The following RAD51B variants were observed in gnomAD, a reference collection of about 807,000 sequenced individuals.
RAD51B encodes RAD51 paralog B, also known as DNA repair protein RAD51 homolog 2.
Under a neutral mutation model 42.2 loss-of-function variants are expected in RAD51B, and 38 were observed. The ratio of observed to expected loss-of-function variants is 0.90; its 90% CI spans 0.70 to 1.18. The LOEUF (loss-of-function observed/expected upper bound fraction) is 1.18, where lower values mean the gene tolerates loss of function less well. Ranked by LOEUF, RAD51B falls within the 50% of genes most tolerant of loss-of-function variation. RAD51B has a pLI of 0.00. For missense variants in RAD51B, 373 were observed against 400.7 expected, an observed-to-expected ratio of 0.93 and a Z score of 0.59; for synonymous variants, 154 against 145.2, an observed-to-expected ratio of 1.06 and a Z score of -0.43.
intron 10 of RAD51B, among the ~76,000 whole-genome samples, chr14:68,534,296 CA>C (rs967077163): frequency 1.3e-5 from 2 of 151,982 alleles, no homozygotes; most frequent in African/African-American, 4.8e-5. Flanking sequence ...TTAAAGTCAC[CA>C]AGAACGATGA....
At chr14:67,953,903 A>T (rs1176046032) in intron 7 of RAD51B, among the ~76,000 whole-genome samples, 2 of 152,088 alleles carry the variant, frequency 1.3e-5, no homozygotes, top group African/African-American at 4.8e-5. Flanking sequence ...CAAAGAAGAG[A>T]AAGGGACAGG....
intron 7 of RAD51B, among the ~76,000 whole-genome samples, chr14:68,260,672 C>T (rs561411634): frequency 3.9e-5 from 6 of 152,146 alleles, no homozygotes; most frequent in Non-Finnish European, 8.8e-5. Context: ...AGTCAAGACA[C>T]CTGTCTCATG....
intron 11 of RAD51B, among the ~76,000 whole-genome samples, chr14:68,658,408 G>A (rs1047505723): frequency 3.9e-5 from 6 of 152,242 alleles, no homozygotes; most frequent in African/African-American, 1.2e-4. Context: ...CCACTGGCCC[G>A]TGCCCCCTGG....
intron 3 of RAD51B, among the ~76,000 whole-genome samples, chr14:67,832,893 A>G (rs1011183928): frequency 6.6e-6 from 1 of 152,228 alleles, no homozygotes; most frequent in South Asian, 2.1e-4. Context: ...GAAAATAAAC[A>G]TCTTTTAAAA....
At position 68,370,077 on chromosome 14, in the gene RAD51B, C is replaced by A. The variant is rs573211396; in HGVS notation, c.854-41347C>A. ...ATTAACCCATTTATGCCTAGTGTTC[C>A]ATTAGTGGAACACTAAGCTTGTGGG... On this transcript the variant is annotated intron_variant, in intron 8 of 10. Transcript: ENST00000471583. Among the ~76,000 whole-genome samples the A allele has an allele frequency of 5.9e-5, 9 of 152,260 alleles. No homozygotes were observed. The East Asian group carries it at 1.7e-3, about 29-fold the overall frequency.
chr14:68,322,039 G>A (rs1306060431), intron 8 of RAD51B, among the ~76,000 whole-genome samples: 5 of 152,186 alleles, frequency 3.3e-5, no homozygotes, highest in African/African-American at 9.7e-5. Context: ...CTCCAAAAGT[G>A]CTGGGATTAC....
At chr14:67,934,442 G>A (rs1442355922) in intron 7 of RAD51B, among the ~76,000 whole-genome samples, 1 of 152,094 alleles carries the variant, frequency 6.6e-6, no homozygotes, top group East Asian at 1.9e-4. Flanking sequence ...TGGTATTTAT[G>A]GCATTTGTTG....
intron 10 of RAD51B, among the ~76,000 whole-genome samples, chr14:68,526,426 C>T (rs1025789174): frequency 4.6e-5 from 7 of 152,204 alleles, no homozygotes; most frequent in Admixed American, 1.3e-4. Flanking sequence ...CAGAACGTGT[C>T]GTTAAGCGAC....
chr14:68,207,517 G>GAGTT (rs1464238870), intron 7 of RAD51B, among the ~76,000 whole-genome samples: 7 of 152,160 alleles, frequency 4.6e-5, no homozygotes, highest in African/African-American at 1.7e-4. Context: ...AATACATCTA[G>GAGTT]AGTTTGCCAA....
intron 7 of RAD51B, among the ~76,000 whole-genome samples, chr14:68,096,391 T>C (rs2077195079): frequency 6.6e-6 from 1 of 152,230 alleles, no homozygotes; most frequent in Admixed American, 6.5e-5. Flanking sequence ...TTTTTCTGGA[T>C]TGTCTGCATT....
intron 7 of RAD51B, among the ~76,000 whole-genome samples, chr14:67,964,651 G>T (rs976139237): frequency 6.6e-6 from 1 of 151,940 alleles, no homozygotes; most frequent in African/African-American, 2.4e-5. Context: ...TGTTAAAATG[G>T]CTCTGATTAT....
chr14:68,425,975 T>TCTTTCTTTCTTTCTTC (rs1555407995), intron 9 of RAD51B, among the ~76,000 whole-genome samples: 273 of 85,866 alleles, frequency 3.2e-3, no homozygotes, highest in Middle Eastern at 6.0e-3. Flanking sequence ...TTTCTTTCTT[T>TCTTTCTTTCTTTCTTC]CTTCCTTCCT....
chr14:68,572,976 A>C (rs1889785129), intron 10 of RAD51B, among the ~76,000 whole-genome samples: 1 of 152,114 alleles, frequency 6.6e-6, no homozygotes, highest in South Asian at 2.1e-4. Flanking sequence ...GAAACAGCCT[A>C]CCAAGGGTGC....
intron 7 of RAD51B, among the ~76,000 whole-genome samples, chr14:67,921,225 T>C (rs1338433327): frequency 6.6e-6 from 1 of 152,172 alleles, no homozygotes; most frequent in Non-Finnish European, 1.5e-5. Flanking sequence ...TGTCATGTCA[T>C]GTCAGACAGG....
At chr14:68,301,592 GTTTTTTTT>G (rs139865933) in intron 8 of RAD51B, among the ~76,000 whole-genome samples, 2 of 109,778 alleles carry the variant, frequency 1.8e-5, no homozygotes, top group African/African-American at 6.6e-5. Flanking sequence ...TTGTTTGTGT[GTTTTTTTT>G]TTTTTTTTTT....
chr14:68,585,776 G>A (rs1265027025), intron 10 of RAD51B, among the ~76,000 whole-genome samples: 1 of 152,176 alleles, frequency 6.6e-6, no homozygotes, highest in East Asian at 1.9e-4. Context: ...GAAAGACGTG[G>A]GCAGACGCCT....
chr14:68,234,499 G>A (rs1210652651), intron 7 of RAD51B, among the ~76,000 whole-genome samples: 1 of 152,154 alleles, frequency 6.6e-6, no homozygotes, highest in African/African-American at 2.4e-5. Context: ...AGATGGTATA[G>A]CCTGCTATAC....
chr14:68,317,739 A>T (rs1407030110), intron 8 of RAD51B, among the ~76,000 whole-genome samples: 1 of 152,216 alleles, frequency 6.6e-6, no homozygotes, highest in Non-Finnish European at 1.5e-5. Flanking sequence ...TAAGGGAAGA[A>T]TTGCATTTGA....
chr14:68,478,490 C>T (rs1038266915), downstream of RAD51B, among the ~76,000 whole-genome samples: 4 of 152,178 alleles, frequency 2.6e-5, no homozygotes, highest in Admixed American at 2.0e-4. Context: ...ATAATTTAGT[C>T]GTTTCCAGTA....
Sources: allele counts gnomAD v4.1 joint callset (sites outside exome capture counted in the v4.1 genomes callset), GRCh38; gene constraint gnomAD v4.1.1; transcripts MANE v1.5; gene names NCBI Gene and HGNC (gene_info 2026-07-23, HGNC 2026-07-21).